Variants in EYS observed in about 807,000 individuals in gnomAD.
The protein encoded by EYS is protein eyes shut homolog.
A neutral mutation model predicts 282.1 loss-of-function variants in EYS; 250 were observed. The ratio of observed to expected loss-of-function variants is 0.89; its 90% CI spans 0.80 to 0.98. The LOEUF (loss-of-function observed/expected upper bound fraction) is 0.98. EYS is among the 50% of genes least tolerant of loss of function. The probability of loss-of-function intolerance (pLI) is 0.00; values close to 1 mark genes in which losing one functional copy is unlikely to be tolerated. For synonymous variants in EYS, 1,355 were observed against 1,282.9 expected (o/e 1.06, Z -1.20); for missense variants, 4,016 against 3,709.0 (o/e 1.08, Z -2.15).
chr6:64,684,960 A>G (rs1320156826), intron 22 of EYS, among the ~76,000 whole-genome samples: 1 of 152,104 alleles, frequency 6.6e-6, no homozygotes, highest in Non-Finnish European at 1.5e-5. Flanking sequence ...ATTAAATGGC[A>G]ATAAACTAAT....
intron 35 of EYS, among the ~76,000 whole-genome samples, chr6:63,896,587 T>G (rs1428211389): frequency 6.6e-6 from 1 of 152,198 alleles, no homozygotes; most frequent in Admixed American, 6.5e-5. Context: ...ATCCATATCT[T>G]ACATTCATGC....
intron 5 of EYS, among the ~76,000 whole-genome samples, chr6:65,417,164 A>G (rs964941999): frequency 9.2e-5 from 14 of 152,098 alleles, no homozygotes; most frequent in East Asian, 1.9e-4. Context: ...TATTCATTGT[A>G]AAGTTGTAGT....
At chr6:65,391,463 T>G (rs1766027700) in intron 7 of EYS, among the ~76,000 whole-genome samples, 1 of 152,122 alleles carries the variant, frequency 6.6e-6, no homozygotes, top group Non-Finnish European at 1.5e-5. Flanking sequence ...ACAAGCAACT[T>G]CAGCAAAGTC....
At chr6:64,285,479 A>G (rs1768465701) in intron 30 of EYS, among the ~76,000 whole-genome samples, 1 of 152,200 alleles carries the variant, frequency 6.6e-6, no homozygotes, top group South Asian at 2.1e-4. Flanking sequence ...TATCATTATC[A>G]GTATTTTTGT....
At chr6:65,327,262 C>G (rs1341812789) in intron 11 of EYS, among the ~76,000 whole-genome samples, 1 of 151,552 alleles carries the variant, frequency 6.6e-6, no homozygotes, top group Non-Finnish European at 1.5e-5. Context: ...TGTTTTTGAT[C>G]CTTCTAAGTC....
intron 12 of EYS, among the ~76,000 whole-genome samples, chr6:65,185,033 G>T (rs977639742): frequency 2.6e-4 from 36 of 140,748 alleles, no homozygotes; most frequent in African/African-American, 9.6e-4. Context: ...ATGTAAAAAA[G>T]AAAGAAAAAA....
intron 30 of EYS, among the ~76,000 whole-genome samples, chr6:64,295,063 T>A (rs1413467507): frequency 6.6e-6 from 1 of 151,726 alleles, no homozygotes; most frequent in African/African-American, 2.4e-5. Flanking sequence ...GGTTATTGGG[T>A]AGACATTTTC....
At chr6:65,446,461 A>G (rs1332445425) in intron 5 of EYS, among the ~76,000 whole-genome samples, 6 of 151,880 alleles carry the variant, frequency 4.0e-5, no homozygotes, top group African/African-American at 1.4e-4. Context: ...TTGAAGAGGT[A>G]CAATCCTCTG....
At chr6:65,372,175 A>G (rs887601326) in intron 8 of EYS, among the ~76,000 whole-genome samples, 2 of 152,006 alleles carry the variant, frequency 1.3e-5, no homozygotes, top group Non-Finnish European at 1.5e-5. Flanking sequence ...CCTTATATAT[A>G]CACTTCTGAG....
intron 36 of EYS, among the ~76,000 whole-genome samples, chr6:63,826,887 C>T (rs919259329): frequency 4.5e-5 from 5 of 112,358 alleles, no homozygotes; most frequent in African/African-American, 1.6e-4. Flanking sequence ...AAAAAAAATA[C>T]ATAGGCAACA....
chr6:65,519,015 GA>G (rs1169317146), intron 2 of EYS, among the ~76,000 whole-genome samples: 5 of 151,334 alleles, frequency 3.3e-5, no homozygotes, highest in South Asian at 2.1e-4. Context: ...GCCCATGTCA[GA>G]AAAAAAAATT....
chr6:64,237,615 G>A (rs1766656667), intron 30 of EYS, among the ~76,000 whole-genome samples: 1 of 152,094 alleles, frequency 6.6e-6, no homozygotes, highest in Non-Finnish European at 1.5e-5. Flanking sequence ...TTCAATTGCT[G>A]TTTTAACTTT....
intron 35 of EYS, among the ~76,000 whole-genome samples, chr6:63,908,269 C>T (rs1562090742): frequency 6.6e-6 from 1 of 151,538 alleles, no homozygotes; most frequent in Admixed American, 6.6e-5. Context: ...GAGATACCAT[C>T]TTATACAGTT....
At chr6:64,319,334 A>G (rs189041019) in intron 29 of EYS, among the ~76,000 whole-genome samples, 52 of 151,940 alleles carry the variant, frequency 3.4e-4, no homozygotes, top group Admixed American at 2.8e-3. Context: ...AATTAGGTAA[A>G]AGTTTTAGAA....
intron 29 of EYS, among the ~76,000 whole-genome samples, chr6:64,345,864 A>T (rs1771366530): frequency 6.6e-6 from 1 of 152,248 alleles, no homozygotes; most frequent in African/African-American, 2.4e-5. Flanking sequence ...AGAAAAAAAT[A>T]AAAAACCCTA....
chr6:64,326,304 A>G (rs1770419931), intron 29 of EYS, among the ~76,000 whole-genome samples: 1 of 152,134 alleles, frequency 6.6e-6, no homozygotes, highest in Non-Finnish European at 1.5e-5. Flanking sequence ...AAAGTTTATT[A>G]CAGGCCCAGC....
chr6:64,420,807 A>C (rs1267046153), intron 28 of EYS, among the ~76,000 whole-genome samples: 1 of 152,160 alleles, frequency 6.6e-6, no homozygotes, highest in Admixed American at 6.5e-5. Context: ...TCCCGTTCCC[A>C]ATAAGTTCTT....
At chr6:65,310,180 C>T (rs540836471) in intron 11 of EYS, among the ~76,000 whole-genome samples, 5 of 152,134 alleles carry the variant, frequency 3.3e-5, no homozygotes, top group Admixed American at 2.6e-4. Flanking sequence ...CTCATCTCTA[C>T]TAAAAATACA....
intron 14 of EYS, among the ~76,000 whole-genome samples, chr6:64,982,881 T>G (rs1240097623): frequency 6.6e-6 from 1 of 151,208 alleles, no homozygotes; most frequent in Non-Finnish European, 1.5e-5. Context: ...TATTTTTGTA[T>G]ATGATTTGTA....
Sources: allele counts gnomAD v4.1 joint callset (sites outside exome capture counted in the v4.1 genomes callset), GRCh38; gene constraint gnomAD v4.1.1; transcripts MANE v1.5; gene names NCBI Gene and HGNC (gene_info 2026-07-23, HGNC 2026-07-21).